AJAP1: variants seen among roughly 807,000 people sequenced by gnomAD.
AJAP1 encodes the protein adherens junction-associated protein 1.
In AJAP1, 5 loss-of-function variants were observed where a neutral mutation model predicts 35.0. The observed-to-expected ratio is 0.14, with a 90% CI of 0.07 to 0.30. AJAP1 has a LOEUF of 0.30. Ranked by LOEUF, AJAP1 falls within the 10% of genes least tolerant of loss-of-function variation. The pLI, the probability that AJAP1 is intolerant of heterozygous loss-of-function variation, is 1.00. For synonymous variants in AJAP1, 284 were observed against 249.3 expected, an observed-to-expected ratio of 1.14 and a Z score of -1.31; for missense variants, 586 against 571.0, an observed-to-expected ratio of 1.03 and a Z score of -0.27.
chr1:4,705,115 C>T (rs1640071651), intron 1 of AJAP1, among the ~76,000 whole-genome samples: 1 of 152,076 alleles, frequency 6.6e-6, no homozygotes, highest in African/African-American at 2.4e-5. Context: ...GTTGCCTGTT[C>T]ACTCTGATGG....
At chr1:4,747,594 T>G (rs1193245742) in intron 2 of AJAP1, among the ~76,000 whole-genome samples, 3 of 152,144 alleles carry the variant, frequency 2.0e-5, no homozygotes, top group Non-Finnish European at 4.4e-5. Context: ...ACCTCCACCT[T>G]GAGTGAGAGC....
chr1:4,689,710 G>A (rs918514160), intron 1 of AJAP1, among the ~76,000 whole-genome samples: 3 of 152,230 alleles, frequency 2.0e-5, no homozygotes, highest in Non-Finnish European at 4.4e-5. Context: ...ATGAGCATCC[G>A]GCATGAGCAC....
intron 2 of AJAP1, among the ~76,000 whole-genome samples, chr1:4,743,552 A>G (rs956998934): frequency 2.0e-5 from 3 of 152,152 alleles, no homozygotes; most frequent in African/African-American, 7.2e-5. Context: ...TCATTCATCC[A>G]TCCATCCATC....
intron 2 of AJAP1, among the ~76,000 whole-genome samples, chr1:4,727,719 C>G (rs1372698712): frequency 1.3e-5 from 2 of 152,198 alleles, no homozygotes; most frequent in Non-Finnish European, 2.9e-5. Flanking sequence ...AAGGCTGTAG[C>G]AGCAGTGATG....
rs534777865 is a variant in AJAP1, at chr1:4,700,023, G to A, written c.30-11877G>A. 3.9e-5 allele frequency among the ~76,000 whole-genome samples: 6 copies of A among 152,274 alleles called. No homozygotes were observed. In the South Asian group the frequency reaches 1.0e-3, roughly 26 times the overall value. ...TAGTTAAATATGCATCTGTGTGATG[G>A]TGCTTGTGTCTTTGCACGATTGCGT... On this transcript the variant is annotated intron_variant, in intron 1 of 5. Transcript: ENST00000378191.
At chr1:4,688,646 C>G (rs931442391) in intron 1 of AJAP1, among the ~76,000 whole-genome samples, 1 of 151,852 alleles carries the variant, frequency 6.6e-6, no homozygotes, top group African/African-American at 2.4e-5. Context: ...GTGGCGTGCA[C>G]CTGCAATCCC....
intron 1 of AJAP1, among the ~76,000 whole-genome samples, chr1:4,686,921 C>T (rs1639619646): frequency 6.6e-6 from 1 of 152,228 alleles, no homozygotes; most frequent in Admixed American, 6.5e-5. Flanking sequence ...GGAATCTCCA[C>T]TTCTGCCGAG....
At chr1:4,731,991 T>G (rs2100300039) in intron 2 of AJAP1, among the ~76,000 whole-genome samples, 1 of 152,300 alleles carries the variant, frequency 6.6e-6, no homozygotes, top group Middle Eastern at 3.4e-3. Flanking sequence ...GGCAGCAGCC[T>G]TAGGGACAGA....
chr1:4,785,134 C>G lies in AJAP1; in HGVS notation c.*2649C>G, dbSNP rs1025562233. ...CCAGCTGCTCAGCCCCCTTCTCTGA[C>G]CATGTGCGGCACCCTGGATGCCCTG... On this transcript the variant is annotated 3_prime_UTR_variant, in exon 6 of 6. Coordinates refer to ENST00000378191, the MANE Select transcript of AJAP1 (RefSeq NM_018836.4). The G allele has an allele frequency of 6.6e-6, 1 of 152,400 alleles. No homozygotes were observed. Among genetic ancestry groups the G allele is most frequent in the East Asian group, 1.9e-4 (1 of 5,206 alleles). 9.4% of individuals were successfully genotyped at this position (152,400 alleles called of 1,614,324 possible). A position where few individuals can be genotyped will look rare whatever the true frequency, so the allele number is the denominator to read the frequency against.
intron 1 of AJAP1, among the ~76,000 whole-genome samples, chr1:4,672,337 T>G (rs943458481): frequency 6.6e-6 from 1 of 152,212 alleles, no homozygotes; most frequent in African/African-American, 2.4e-5. Context: ...CAGTCATGAA[T>G]ACGGAGACAC....
chr1:4,721,176 C>T (rs955596074), intron 2 of AJAP1, among the ~76,000 whole-genome samples: 18 of 152,244 alleles, frequency 1.2e-4, no homozygotes, highest in South Asian at 6.2e-4. Context: ...GGGGGATCTG[C>T]AGCTGGGAGA....
chr1:4,684,009 A>G (rs1167477054), intron 1 of AJAP1, among the ~76,000 whole-genome samples: 1 of 152,258 alleles, frequency 6.6e-6, no homozygotes. Flanking sequence ...ATGGGGAGGA[A>G]GGAGATGGAG....
chr1:4,688,770 TCAAAA>T (rs1409297703), intron 1 of AJAP1, among the ~76,000 whole-genome samples: 1 of 56,738 alleles, frequency 1.8e-5, no homozygotes, highest in African/African-American at 7.5e-5. Flanking sequence ...AGACTCCGTC[TCAAAA>T]AAAAAAAAAA....
At chr1:4,732,991 A>G (rs953617054) in intron 2 of AJAP1, among the ~76,000 whole-genome samples, 3 of 152,120 alleles carry the variant, frequency 2.0e-5, no homozygotes, top group South Asian at 2.1e-4. Flanking sequence ...TGAAAATAGG[A>G]TTTCTGGACT....
chr1:4,771,871 T>C (rs1449571741), intron 3 of AJAP1, among the ~76,000 whole-genome samples: 1 of 151,976 alleles, frequency 6.6e-6, no homozygotes, highest in East Asian at 1.9e-4. Context: ...CCCCAACCTG[T>C]ACCCAAAGGC....
In AJAP1 at chr1:4,717,060, A is replaced by T. The variant is rs1640409424; in HGVS notation, c.829+4361A>T. Among the ~76,000 whole-genome samples, 4 of 152,218 alleles carry T rather than the reference A, an allele frequency of 2.6e-5. No homozygotes were observed. The South Asian group carries it at 8.3e-4, about 32-fold the overall frequency. On this transcript the variant is annotated intron_variant, in intron 2 of 5. Coordinates refer to ENST00000378191, the MANE Select transcript of AJAP1 (RefSeq NM_018836.4). The stretch of plus-strand genomic sequence containing the variant: ...TGAGGTTGGGGAGGAGGCTCCCCAC[A>T]GTGCAGCCCCAGCCTTCTATGACAG...
At chr1:4,742,805 A>G (rs1641100457) in intron 2 of AJAP1, among the ~76,000 whole-genome samples, 1 of 152,102 alleles carries the variant, frequency 6.6e-6, no homozygotes, top group African/African-American at 2.4e-5. Context: ...TAGTACTTTT[A>G]CTTTTCCCCA....
At chr1:4,735,063 C>T (rs919878361) in intron 2 of AJAP1, among the ~76,000 whole-genome samples, 6 of 152,194 alleles carry the variant, frequency 3.9e-5, no homozygotes, top group Non-Finnish European at 5.9e-5. Flanking sequence ...GCGTGCTTGG[C>T]GACCCTTGAG....
intron 1 of AJAP1, among the ~76,000 whole-genome samples, chr1:4,676,660 C>T (rs1414816319): frequency 2.6e-5 from 4 of 152,118 alleles, no homozygotes; most frequent in Non-Finnish European, 4.4e-5. Flanking sequence ...GTCGGGTGCC[C>T]AGCTCATCTG....
Sources: allele counts gnomAD v4.1 joint callset (sites outside exome capture counted in the v4.1 genomes callset), GRCh38; gene constraint gnomAD v4.1.1; transcripts MANE v1.5; gene names NCBI Gene and HGNC (gene_info 2026-07-23, HGNC 2026-07-21).